SGCD: variants seen among roughly 807,000 people sequenced by gnomAD.
The protein encoded by SGCD is sarcoglycan delta.
A neutral mutation model predicts 36.6 loss-of-function variants in SGCD; 18 were observed. The ratio of observed to expected loss-of-function variants is 0.49; its 90% confidence interval spans 0.34 to 0.73. The LOEUF (loss-of-function observed/expected upper bound fraction) is 0.73. Ranked by LOEUF, SGCD falls within the 30% of genes least tolerant of loss-of-function variation. The pLI is 0.01. For synonymous variants in SGCD, 133 were observed against 130.6 expected, an observed-to-expected ratio of 1.02 and a Z score of -0.12; for missense variants, 387 against 346.7, an observed-to-expected ratio of 1.12 and a Z score of -0.92.
chr5:155,846,171 G>A, the SGCD span, among the ~76,000 whole-genome samples: 1 of 152,122 alleles, frequency 6.6e-6, no homozygotes, highest in African/African-American at 2.4e-5. Flanking sequence ...TTAGTAACTT[G>A]AGGAAACCTT....
chr5:156,183,995 T>TG (rs1295427343), intron 3 of SGCD, among the ~76,000 whole-genome samples: 1 of 152,202 alleles, frequency 6.6e-6, no homozygotes, highest in Non-Finnish European at 1.5e-5. Flanking sequence ...CTGAAAATAT[T>TG]GTAAGTTGAA....
At chr5:156,601,613 C>G (rs890621370) in intron 6 of SGCD, among the ~76,000 whole-genome samples, 2 of 152,142 alleles carry the variant, frequency 1.3e-5, no homozygotes, top group East Asian at 3.9e-4. Context: ...TATTTGGAGT[C>G]TTCTGTGGTT....
chr5:156,132,497 C>T lies in SGCD; in HGVS notation c.-44+8478C>T, dbSNP rs191501344. Among the ~76,000 whole-genome samples, 381 of 50,740 alleles carry T rather than the reference C, an allele frequency of 7.5e-3. 15 individuals carry two copies. The Admixed American group carries it at 0.097, about 13-fold the overall frequency. The allele number at this position is 50,740 out of a possible 152,430, so 33.3% of individuals were successfully genotyped here. A position where few individuals can be genotyped will look rare whatever the true frequency, so the allele number is the denominator to read the frequency against. ...TTTTTTTTTTTTTTTGAGACGGAGT[C>T]TCACTCTTTCGCCCAAGCTGGACTG... On this transcript the variant is annotated intron_variant, in intron 3 of 9. Coordinates refer to the SGCD transcript ENST00000517913.
At chr5:156,616,632 T>C (rs1762030742) in intron 6 of SGCD, among the ~76,000 whole-genome samples, 1 of 152,200 alleles carries the variant, frequency 6.6e-6, no homozygotes, top group Admixed American at 6.5e-5. Context: ...CTAACATTTT[T>C]ACTTACTGTT....
intron 6 of SGCD, among the ~76,000 whole-genome samples, chr5:156,600,610 A>G (rs908481267): frequency 2.0e-5 from 3 of 152,132 alleles, no homozygotes; most frequent in African/African-American, 7.2e-5. Context: ...AGTCTTGGCT[A>G]TTGTGACTAG....
At chr5:156,333,783 A>ACT (rs1768186008) in intron 2 of SGCD, among the ~76,000 whole-genome samples, 2 of 19,932 alleles carry the variant, frequency 1.0e-4, no homozygotes, top group African/African-American at 3.8e-4. Context: ...TAGAAAAGTG[A>ACT]TTTTTTTTTT....
chr5:156,278,890 A>G (rs78688095), intron 3 of SGCD, among the ~76,000 whole-genome samples: 2,132 of 152,302 alleles, frequency 0.014, 23 homozygotes, highest in Non-Finnish European at 0.024. Context: ...CAGATTATCA[A>G]GTATTTCTAT....
the SGCD span, among the ~76,000 whole-genome samples, chr5:155,855,160 G>A: frequency 6.6e-6 from 1 of 152,072 alleles, no homozygotes; most frequent in Non-Finnish European, 1.5e-5. Flanking sequence ...TTGGTGTTAG[G>A]GACTGCCCTG....
intron 3 of SGCD, among the ~76,000 whole-genome samples, chr5:156,444,568 C>T (rs1003679027): frequency 2.3e-4 from 35 of 152,014 alleles, no homozygotes; most frequent in African/African-American, 7.7e-4. Flanking sequence ...CATTCCTGAG[C>T]ATAAGAATCT....
intron 3 of SGCD, among the ~76,000 whole-genome samples, chr5:156,259,427 A>G (rs1485761555): frequency 6.6e-6 from 1 of 151,778 alleles, no homozygotes; most frequent in African/African-American, 2.4e-5. Context: ...CATTTTCTTA[A>G]TGGTGTCTTT....
At chr5:156,318,802 G>A (rs6886148) in intron 3 of SGCD, among the ~76,000 whole-genome samples, 65,510 of 151,844 alleles carry the variant, frequency 0.43, 14,514 homozygotes, top group East Asian at 0.81. Flanking sequence ...CACCACGTTG[G>A]CCAGGCTGGT....
chr5:156,070,723 T>C (rs1284528472), intron 1 of SGCD, among the ~76,000 whole-genome samples: 1 of 152,176 alleles, frequency 6.6e-6, no homozygotes, highest in Admixed American at 6.5e-5. Context: ...TTCCTCCTTG[T>C]ACCTCTGGTA....
the SGCD span, among the ~76,000 whole-genome samples, chr5:155,841,539 C>T: frequency 1.2e-4 from 19 of 152,074 alleles, no homozygotes; most frequent in Non-Finnish European, 2.6e-4. Flanking sequence ...TTTGTGAATA[C>T]TCTGTTTAAA....
At chr5:156,180,550 A>AATATCATTT (rs1273890343) in intron 3 of SGCD, among the ~76,000 whole-genome samples, 61 of 152,218 alleles carry the variant, frequency 4.0e-4, no homozygotes, top group Non-Finnish European at 1.0e-4. Context: ...GAAAATTTAA[A>AATATCATTT]ATATCATTTA....
At chr5:155,806,870 A>G in the SGCD span, among the ~76,000 whole-genome samples, 7 of 152,226 alleles carry the variant, frequency 4.6e-5, no homozygotes, top group African/African-American at 1.4e-4. Flanking sequence ...AAAGTACTGT[A>G]AATCAGAACA....
chr5:156,402,219 A>G (rs116466163), intron 3 of SGCD, among the ~76,000 whole-genome samples: 1,987 of 152,284 alleles, frequency 0.013, 35 homozygotes, highest in African/African-American at 0.044. Context: ...TCATGTTGCT[A>G]TGAACATTCA....
At chr5:156,333,259 GTA>G (rs1346516624) in intron 2 of SGCD, among the ~76,000 whole-genome samples, 1 of 152,152 alleles carries the variant, frequency 6.6e-6, no homozygotes, top group African/African-American at 2.4e-5. Context: ...CTAATTTGTT[GTA>G]GCTGCTTTTC....
chr5:155,941,804 C>A (rs1350329274), intron 1 of SGCD, among the ~76,000 whole-genome samples: 1 of 152,028 alleles, frequency 6.6e-6, no homozygotes, highest in Non-Finnish European at 1.5e-5. Context: ...TGAAAAAAGT[C>A]AAGCTATACT....
intron 3 of SGCD, among the ~76,000 whole-genome samples, chr5:156,445,182 C>G (rs1009111113): frequency 3.9e-5 from 6 of 152,038 alleles, no homozygotes; most frequent in African/African-American, 1.4e-4. Flanking sequence ...ACTACTCTGA[C>G]CTAAAAGTGG....
Sources: gnomAD v4.1 joint callset for allele counts (sites outside exome capture counted in the v4.1 genomes callset) on GRCh38, gnomAD v4.1.1 for gene constraint, MANE v1.5 for transcripts, NCBI Gene and HGNC (gene_info 2026-07-23, HGNC 2026-07-21) for gene names.